Variants in CLEC10A observed in about 807,000 individuals in gnomAD.
The protein encoded by CLEC10A is C-type lectin domain containing 10A.
Under a neutral mutation model 42.0 loss-of-function variants are expected in CLEC10A, and 38 were observed. The observed-to-expected ratio is 0.90, with a 90% CI of 0.70 to 1.18. CLEC10A has a LOEUF of 1.18. Among genes scored for constraint, CLEC10A ranks in the 50% most tolerant of loss-of-function variants. The pLI, the probability that CLEC10A is intolerant of heterozygous loss-of-function variation, is 0.00. For synonymous variants in CLEC10A, 126 were observed against 139.9 expected, an observed-to-expected ratio of 0.90 and a Z score of 0.70; for missense variants, 298 against 345.9, an observed-to-expected ratio of 0.86 and a Z score of 1.10.
At chr17:7,075,630 T>A in intron 7 of CLEC10A, 101 bp downstream of exon 7, 1 of 1,558,224 alleles carries the variant, frequency 6.4e-7, no homozygotes. Flanking sequence ...CAGATGACAG[T>A]CATTCTGGAA....
At position 7,075,391 on chromosome 17, in the gene CLEC10A, C is replaced by T. The variant is rs1439580392; in HGVS notation, c.670G>A (p.Val224Met). The T allele has an allele frequency of 2.0e-6, 3 of 1,520,604 alleles. No individual in the cohort carries two copies. In the Admixed American group the frequency reaches 6.8e-5, roughly 34 times the overall value. 94.2% of individuals were successfully genotyped at this position (1,520,604 alleles called of 1,614,324 possible). Residue 224 changes from valine to methionine, a missense_variant, in exon 8 of 9, where the codon GTG (valine) becomes ATG (methionine). Val to Met is a conservative substitution (Grantham distance 21). Around this residue, in one of 3 missense-constraint regions of CLEC10A, gnomAD observed 267 missense variants for 289.5 expected, o/e 0.92. Transcript: ENST00000416562. ...CCGGTCGCATAGTCTGTTCCATCCA[C>T]CCACTTCCAGGCTCCTTCAGGGTCA... ...LSDPEGAWKW[V>M]DGTDYATGFQ...
At chr17:7,077,604 A>ACC in intron 3 of CLEC10A, among the ~76,000 whole-genome samples, 1 of 35,140 alleles carries the variant, frequency 2.8e-5, no homozygotes, top group African/African-American at 1.3e-4. Flanking sequence ...AGTGACCCCC[A>ACC]ACCATTCCCA....
chr17:7,078,923 G>A, intron 1 of CLEC10A, 38 bp from the exon 2 acceptor site: 4 of 960,394 alleles, frequency 4.2e-6, no homozygotes, highest in East Asian at 4.8e-5. Flanking sequence ...TGGAGCCAAG[G>A]GCAGGGCTGA....
chr17:7,079,072 G>A (rs574544969), intron 1 of CLEC10A, among the ~76,000 whole-genome samples, 187 bp from the exon 2 acceptor site: 3 of 152,294 alleles, frequency 2.0e-5, no homozygotes, highest in South Asian at 4.1e-4. Flanking sequence ...GGAGCTAAAC[G>A]CATTGCTAGG....
At chr17:7,075,692 T>C in intron 7 of CLEC10A, 39 bp downstream of exon 7, 1 of 1,613,894 alleles carries the variant, frequency 6.2e-7, no homozygotes, top group Non-Finnish European at 8.5e-7. Flanking sequence ...TTTCCCTAAA[T>C]GGGACATGTC....
chr17:7,075,091 T>C lies in CLEC10A; in HGVS notation c.833A>G (p.Glu278Gly). ...CTGGCTGGTCTGACCCAGGCCAGCCTCGCAGACCCAGTGGTAGGGCCTCTG... is the reference window on the plus strand; with the variant it reads ...CTGGCTGGTCTGACCCAGGCCAGCCCCGCAGACCCAGTGGTAGGGCCTCTG... ...VCQRPYHWVC[E>G]AGLGQTSQES... Residue 278 changes from glutamate (E) to glycine (G), a missense_variant, in exon 9 of 9, where the codon GAG becomes GGG. Glu to Gly is a moderately conservative substitution (Grantham distance 98). Transcript: ENST00000416562. The C allele has an allele frequency of 6.3e-7, 1 of 1,598,854 alleles. No individual in the cohort carries two copies.
intron 5 of CLEC10A, 184 bp from the exon 6 acceptor site, chr17:7,076,255 G>T: frequency 3.1e-6 from 3 of 964,944 alleles, no homozygotes; most frequent in Non-Finnish European, 4.4e-6. Flanking sequence ...CTCTGCCCCT[G>T]TTTCTCCAGC....
In CLEC10A at chr17:7,075,141, G is replaced by T. The variant is rs372729049; in HGVS notation, c.783C>A (p.Asp261Glu). Residue 261 changes from aspartate to glutamate, a missense_variant, in exon 9 of 9, where the codon GAC becomes GAA. By Grantham distance (45) the Asp-to-Glu change is conservative. Coordinates refer to ENST00000416562, the MANE Select transcript of CLEC10A (RefSeq NM_001330070.2). Reference protein sequence around the residue: ...GGEDCAHFHPDGRWNDDVCQR... With the variant: ...GGEDCAHFHPEGRWNDDVCQR... ...GGCAGACGTCGTCATTCCACCTGCC[G>T]TCTGGATGGAAGTGAGCACAGTCCT... The T allele has an allele frequency of 3.1e-6, 5 of 1,608,140 alleles. No individual in the cohort carries two copies. In the South Asian group the frequency reaches 5.5e-5, roughly 18 times the overall value.
rs921949844 is a variant in CLEC10A at position 7,078,912 on chromosome 17, T to C, written c.-73-27A>G. The stretch of plus-strand genomic sequence containing the variant: ...TGGGGAATAGGAGGTTGGGACTAAG[T>C]TGGAGCCAAGGGCAGGGCTGACGTT... On this transcript the variant is annotated intron_variant, in intron 1 of 8. Transcript: ENST00000416562. 11 of 1,118,098 alleles carry C rather than the reference T, an allele frequency of 9.8e-6. No individual in the cohort carries two copies. The East Asian group carries it at 2.3e-4, about 24-fold the overall frequency. 69.3% of individuals were successfully genotyped at this position (1,118,098 alleles called of 1,614,324 possible).
At chr17:7,078,389 A>T (rs370617677) in intron 2 of CLEC10A, 3 of 506,472 alleles carry the variant, frequency 5.9e-6, no homozygotes, top group East Asian at 6.7e-5. Context: ...GCAGGAGGAC[A>T]CAGGGAGAGC....
chr17:7,075,017 G>T lies in CLEC10A; in HGVS notation c.*37C>A. Reference sequence around the variant, plus strand: ...TCGTGAGAAGAGTCCTCCTCCCACCGCCATTTCTGTGGCCGGGTGGTCCCA... The same window carrying T: ...TCGTGAGAAGAGTCCTCCTCCCACCTCCATTTCTGTGGCCGGGTGGTCCCA... On this transcript the variant is annotated 3_prime_UTR_variant, in exon 9 of 9. Coordinates refer to ENST00000416562, the MANE Select transcript of CLEC10A (RefSeq NM_001330070.2). 6.7e-7 allele frequency: 1 copy of T among 1,500,996 alleles called. No individual in the cohort carries two copies. Among genetic ancestry groups the T allele is most frequent in the Non-Finnish European group, 8.9e-7 (1 of 1,127,550 alleles). 93.0% of individuals were successfully genotyped at this position (1,500,996 alleles called of 1,614,324 possible).
chr17:7,077,918 A>T, intron 3 of CLEC10A, 79 bp downstream of exon 3: 1 of 1,100,776 alleles, frequency 9.1e-7, no homozygotes, highest in African/African-American at 1.6e-5. Context: ...TCGCCCCACC[A>T]CTGCCCTACT....
At chr17:7,076,663 G>A (rs915806759) in intron 5 of CLEC10A, 70 bp downstream of exon 5, 3 of 1,533,268 alleles carry the variant, frequency 2.0e-6, no homozygotes, top group Admixed American at 1.7e-5. Context: ...TTCAGCACCA[G>A]GAGTCTGTTC....
At chr17:7,078,179 C>T in intron 2 of CLEC10A, 66 bp from the exon 3 acceptor site, 2 of 1,249,510 alleles carry the variant, frequency 1.6e-6, no homozygotes, top group Non-Finnish European at 2.3e-6. Context: ...AGGAGAGGGC[C>T]CAGGGAGCTG....
rs1351151740 is a variant in CLEC10A at position 7,077,288 on chromosome 17, C to A, written c.185-301G>T. 2.8e-5 allele frequency among the ~76,000 whole-genome samples: 4 copies of A among 141,452 alleles called. No individual in the cohort carries two copies. The East Asian group carries it at 8.4e-4, about 30-fold the overall frequency. The allele number at this position is 141,452 out of a possible 152,430, so 92.8% of individuals were successfully genotyped here. A position where few individuals can be genotyped will look rare whatever the true frequency, so the allele number is the denominator to read the frequency against. ...CAATCACTCCATCAGTGCCCCCCCACCATTCCCATCAATCACTCCATCAGT... is the reference window on the plus strand; with the variant it reads ...CAATCACTCCATCAGTGCCCCCCCAACATTCCCATCAATCACTCCATCAGT... On this transcript the variant is annotated intron_variant, in intron 3 of 8. Transcript: ENST00000416562.
intron 1 of CLEC10A, among the ~76,000 whole-genome samples, chr17:7,079,772 C>T (rs1447507852): frequency 1.2e-4 from 18 of 151,616 alleles, no homozygotes; most frequent in Admixed American, 9.2e-4. Flanking sequence ...GCAACGAGGC[C>T]GTCTCGGCTC....
chr17:7,076,202 CT>C, intron 5 of CLEC10A, 131 bp from the exon 6 acceptor site: 1 of 1,564,600 alleles, frequency 6.4e-7, no homozygotes, highest in Non-Finnish European at 8.7e-7. Context: ...CACCCACCCC[CT>C]ACATCATGGC....
In CLEC10A at chr17:7,075,167, C is replaced by T. The variant is rs145596692; in HGVS notation, c.757G>A (p.Glu253Lys). The change falls in exon 9 of 9, where the codon GAG becomes AAG. Residue 253 changes from glutamate (E) to lysine (K), a missense_variant. Transcript: ENST00000416562. Reference sequence around the variant, plus strand: ...TCTGGATGGAAGTGAGCACAGTCCTCGCCTCCACCCAGCCCGTGCCCCTGC... The same window carrying T: ...TCTGGATGGAAGTGAGCACAGTCCTTGCCTCCACCCAGCCCGTGCCCCTGC... ...DWQGHGLGGGEDCAHFHPDGR... is the reference protein window; with the variant it reads ...DWQGHGLGGGKDCAHFHPDGR... 8.1e-6 allele frequency: 13 copies of T among 1,598,970 alleles called. No homozygotes were observed. The highest frequency in any genetic ancestry group is 1.7e-4 in the Middle Eastern group (1 of 6,040).
chr17:7,076,994 A>C lies in CLEC10A; in HGVS notation c.185-7T>G. 6.3e-7 allele frequency: 1 copy of C among 1,599,128 alleles called. No homozygotes were observed. Among genetic ancestry groups the C allele is most frequent in the Admixed American group, 1.7e-5 (1 of 59,976 alleles). On this transcript the variant is annotated splice_polypyrimidine_tract_variant and splice_region_variant and intron_variant, in intron 3 of 8. Coordinates refer to ENST00000416562, the MANE Select transcript of CLEC10A (RefSeq NM_001330070.2). ...TCCCTCTGAAATTTGGAATCTAAAC[A>C]GGTGGATGGGAAGGTCAGTGCTGGG...
Sources: allele counts gnomAD v4.1 joint callset (sites outside exome capture counted in the v4.1 genomes callset), GRCh38; gene constraint gnomAD v4.1.1; regional missense constraint gnomAD v4.1.1; transcripts MANE v1.5; gene names NCBI Gene and HGNC (gene_info 2026-07-23, HGNC 2026-07-21).